The following ZNF750 variants were observed in gnomAD, a reference collection of about 807,000 sequenced individuals.
The protein encoded by ZNF750 is zinc finger protein 750.
A neutral mutation model predicts 31.6 loss-of-function variants in ZNF750; 10 were observed. The ratio of observed to expected loss-of-function variants is 0.32; its 90% CI spans 0.19 to 0.54. ZNF750 has a LOEUF of 0.54. Among genes scored for constraint, ZNF750 ranks in the 20% least tolerant of loss-of-function variants. The pLI is 0.95. For missense variants in ZNF750, 914 were observed against 934.9 expected (o/e 0.98, Z 0.29); for synonymous variants, 400 against 404.9 (o/e 0.99, Z 0.15).
intron 1 of ZNF750, chr17:82,839,018 C>A (rs1046408292): frequency 1.0e-6 from 1 of 969,890 alleles, no homozygotes; most frequent in African/African-American, 1.8e-5. Context: ...AGGAAAAAAA[C>A]CCTTTTGTAT....
rs781707574 is a variant in ZNF750 at position 82,835,797 on chromosome 17, TC to T, written c.-182-3162del. On this transcript the variant is annotated intron_variant, in intron 1 of 2. Transcript: ENST00000269394. The surrounding 1 kb of genome is among the most constrained non-coding windows in gnomAD (Gnocchi z 4.5). ...CTGCCTCTATTAACATACTTTAAGT[TC>T]TTTAAGACATTTATTTACTAAGAAG... is the stretch of plus-strand genomic sequence containing the variant. Among the ~76,000 whole-genome samples, 4 of 152,142 alleles carry T rather than the reference TC, an allele frequency of 2.6e-5. No homozygotes were observed. The highest frequency in any genetic ancestry group is 5.9e-5 in the Non-Finnish European group (4 of 68,008).
Position 82,833,675 on chromosome 17 carries a change from C to A in ZNF750, c.-182-1039G>T, listed in dbSNP as rs1456847844. On this transcript the variant is annotated intron_variant, in intron 1 of 2. Transcript: ENST00000269394. The surrounding 1 kb of genome is among the most constrained non-coding windows in gnomAD (Gnocchi z 4.7). Reference sequence around the variant, plus strand: ...AAATGGAAGAACCAAAGCTTTGCCACACTCCTGCCCGAGAGGAGACCAGAG... The same window carrying A: ...AAATGGAAGAACCAAAGCTTTGCCAAACTCCTGCCCGAGAGGAGACCAGAG... Among the ~76,000 whole-genome samples the A allele has an allele frequency of 3.9e-5, 6 of 152,204 alleles. No individual in the cohort carries two copies. Among genetic ancestry groups the A allele is most frequent in the African/African-American group, 1.2e-4 (5 of 41,446 alleles).
rs116972976 is a variant in ZNF750 at position 82,836,793 on chromosome 17, C to T, written c.-183+3134G>A. Among the ~76,000 whole-genome samples the T allele has an allele frequency of 4.0e-3, 603 of 152,158 alleles. 2 individuals are homozygous for T. The highest frequency in any genetic ancestry group is 5.8e-3 in the Non-Finnish European group (395 of 68,008). Reference sequence around the variant, plus strand: ...CAAAAGCTTTACAACAGGCAGGTTACGTGTAAGCTCTGCTGTTGCCCAAAA... The same window carrying T: ...CAAAAGCTTTACAACAGGCAGGTTATGTGTAAGCTCTGCTGTTGCCCAAAA... On this transcript the variant is annotated intron_variant, in intron 1 of 2. Coordinates refer to ENST00000269394, the MANE Select transcript of ZNF750 (RefSeq NM_024702.3).
intron 1 of ZNF750, among the ~76,000 whole-genome samples, chr17:82,838,428 T>A (rs1364473873): frequency 6.6e-6 from 1 of 152,232 alleles, no homozygotes; most frequent in Non-Finnish European, 1.5e-5. Flanking sequence ...ATGCTTGTCA[T>A]GCGTCCTAAC....
Position 82,830,662 on chromosome 17 carries a change from A to C in ZNF750, c.1652T>G (p.Leu551Arg). ...ASFSELQDLP[L>R]NLSVKDPCNT... ...ACAGGGGTCCTTCACCGAGAGATTG[A>C]GTGGAAGGTCCTGCAGCTCTGAGAA... Residue 551 changes from leucine to arginine, a missense_variant, in exon 3 of 3, where the codon CTC (leucine) becomes CGC (arginine). Leu to Arg is a moderately radical substitution (Grantham distance 102). Transcript: ENST00000269394. 1 of 1,613,724 alleles carries C rather than the reference A, an allele frequency of 6.2e-7. No homozygotes were observed. Among genetic ancestry groups the C allele is most frequent in the Non-Finnish European group, 8.5e-7 (1 of 1,179,958 alleles).
intron 1 of ZNF750, among the ~76,000 whole-genome samples, chr17:82,838,205 C>A (rs541656497): frequency 6.6e-6 from 1 of 152,276 alleles, no homozygotes; most frequent in Admixed American, 6.5e-5. Flanking sequence ...AATATACTGT[C>A]TTTCCAAAGG....
Position 82,839,961 on chromosome 17 carries a change from G to A in ZNF750, c.-217C>T, listed in dbSNP as rs2054324161. ...GCAGTGCTGGGATGTGGCCGGTCTT[G>A]GTGCCGGTGGCTGGCGGTGCTCAGG... On this transcript the variant is annotated 5_prime_UTR_variant, in exon 1 of 3. Transcript: ENST00000269394. 6.6e-6 allele frequency: 1 copy of A among 152,534 alleles called. No homozygotes were observed. The highest frequency in any genetic ancestry group is 1.5e-5 in the Non-Finnish European group (1 of 68,100). 9.4% of individuals were successfully genotyped at this position (152,534 alleles called of 1,614,324 possible). A position where few individuals can be genotyped will look rare whatever the true frequency, so the allele number is the denominator to read the frequency against.
chr17:82,829,948 C>T lies in ZNF750; in HGVS notation c.*194G>A. On this transcript the variant is annotated 3_prime_UTR_variant, in exon 3 of 3. Transcript: ENST00000269394. ...TTTTTACAACCAAAAGTAGAAGCAC[C>T]TTTTAATATTCATGCTTAATATTTA... 1.1e-6 allele frequency: 1 copy of T among 901,738 alleles called. No homozygotes were observed. Among genetic ancestry groups the T allele is most frequent in the Non-Finnish European group, 1.6e-6 (1 of 610,916 alleles). 55.9% of individuals were successfully genotyped at this position (901,738 alleles called of 1,614,324 possible).
At position 82,833,806 on chromosome 17, in the gene ZNF750, T is replaced by C. The variant is rs2053719541; in HGVS notation, c.-182-1170A>G. On this transcript the variant is annotated intron_variant, in intron 1 of 2. Transcript: ENST00000269394. This position sits in a 1 kb window ranked among gnomAD's most constrained non-coding sequence, Gnocchi z 4.7. Reference sequence around the variant, plus strand: ...CCTCTGGCCACACCCACTCAGGTCCTGGGACCCACCAGAGGCTGTGTGTGT... The same window carrying C: ...CCTCTGGCCACACCCACTCAGGTCCCGGGACCCACCAGAGGCTGTGTGTGT... Among the ~76,000 whole-genome samples the C allele has an allele frequency of 6.6e-6, 1 of 152,170 alleles. No homozygotes were observed. The highest frequency in any genetic ancestry group is 1.5e-5 in the Non-Finnish European group (1 of 68,036).
At position 82,833,966 on chromosome 17, in the gene ZNF750, CAG is replaced by C. The variant is rs1400912684; in HGVS notation, c.-182-1332_-182-1331del. ...AAAGGCTGTTTTTCTTTTTTTGAGA[CAG>C]AGTTTCTCCCTTGTTGCCCAGTCTG... On this transcript the variant is annotated intron_variant, in intron 1 of 2. Coordinates refer to ENST00000269394, the MANE Select transcript of ZNF750 (RefSeq NM_024702.3). The surrounding 1 kb of genome is among the most constrained non-coding windows in gnomAD (Gnocchi z 4.7). Among the ~76,000 whole-genome samples the C allele has an allele frequency of 4.6e-5, 7 of 150,928 alleles. No homozygotes were observed. Among genetic ancestry groups the C allele is most frequent in the African/African-American group, 1.5e-4 (6 of 41,140 alleles).
At chr17:82,834,084 A>C (rs2053753863) in intron 1 of ZNF750, among the ~76,000 whole-genome samples, 1 of 152,022 alleles carries the variant, frequency 6.6e-6, no homozygotes, top group African/African-American at 2.4e-5. Flanking sequence ...AGCTGGAATT[A>C]CAGGCGCCCA....
rs1450057063 is a variant in ZNF750, at chr17:82,831,508, G to A, written c.947C>T (p.Pro316Leu). The change falls in exon 2 of 3, where the codon CCG becomes CTG. Residue 316 changes from proline to leucine, a missense_variant. Transcript: ENST00000269394. The surrounding 1 kb of genome is among the most constrained non-coding windows in gnomAD (Gnocchi z 4.6). Reference protein sequence around the residue: ...RFFQQYPSNLPIPYGFYRPES... With the variant: ...RFFQQYPSNLLIPYGFYRPES... ...TGGCCTGTAAAATCCGTAAGGAATC[G>A]GCAGGTTAGAGGGATATTGCTGGAA... is the stretch of plus-strand genomic sequence containing the variant. 17 of 1,614,006 alleles carry A rather than the reference G, an allele frequency of 1.1e-5. No homozygotes were observed. The highest frequency in any genetic ancestry group is 1.4e-5 in the Non-Finnish European group (17 of 1,180,012).
Position 82,830,576 on chromosome 17 carries a change from C to A in ZNF750, c.1738G>T (p.Ala580Ser). ...GRPRAAEPAA[A>S]VPQKTGTEGS... ...TCTGTCCCAGTCTTCTGTGGAACAGCAGCAGCAGGTTCTGCAGCTCGTGGT... is the reference window on the plus strand; with the variant it reads ...TCTGTCCCAGTCTTCTGTGGAACAGAAGCAGCAGGTTCTGCAGCTCGTGGT... The change falls in exon 3 of 3, where the codon GCT (alanine) becomes TCT (serine). Residue 580 changes from alanine to serine, a missense_variant. By Grantham distance (99) the Ala-to-Ser change is moderately conservative. Coordinates refer to ENST00000269394, the MANE Select transcript of ZNF750 (RefSeq NM_024702.3). 6.2e-7 allele frequency: 1 copy of A among 1,614,084 alleles called. No homozygotes were observed.
chr17:82,838,791 T>G (rs1383381241), intron 1 of ZNF750: 2 of 985,320 alleles, frequency 2.0e-6, no homozygotes, highest in East Asian at 1.1e-4. Flanking sequence ...CCAGGGGCTC[T>G]TAACTCTAGT....
Position 82,830,050 on chromosome 17 carries a change from T to A in ZNF750, c.*92A>T. On this transcript the variant is annotated 3_prime_UTR_variant, in exon 3 of 3. Transcript: ENST00000269394. ...GAAGCAGCAGCTGCATTTGTAAAAA[T>A]GTGAAAGTGCCAGTTCAGAGGTGTT... The A allele has an allele frequency of 6.4e-7, 1 of 1,569,120 alleles. No individual in the cohort carries two copies. The highest frequency in any genetic ancestry group is 2.3e-5 in the East Asian group (1 of 44,112).
chr17:82,836,749 C>T (rs747366272), intron 1 of ZNF750, among the ~76,000 whole-genome samples: 32 of 151,960 alleles, frequency 2.1e-4, no homozygotes, highest in Non-Finnish European at 3.5e-4. Context: ...CCACAAAACC[C>T]GTGTTGGTTA....
intron 1 of ZNF750, chr17:82,839,029 C>A: frequency 2.1e-6 from 2 of 958,138 alleles, no homozygotes; most frequent in Non-Finnish European, 2.5e-6. Context: ...CCTTTTGTAT[C>A]TGTGTCTATA....
Position 82,832,998 on chromosome 17 carries a change from C to T in ZNF750, c.-182-362G>A, listed in dbSNP as rs1482671811. 6.6e-6 allele frequency among the ~76,000 whole-genome samples: 1 copy of T among 152,168 alleles called. No homozygotes were observed. Among genetic ancestry groups the T allele is most frequent in the Non-Finnish European group, 1.5e-5 (1 of 68,036 alleles). On this transcript the variant is annotated intron_variant, in intron 1 of 2. Coordinates refer to ENST00000269394, the MANE Select transcript of ZNF750 (RefSeq NM_024702.3). The surrounding 1 kb of genome is among the most constrained non-coding windows in gnomAD (Gnocchi z 4.9). ...TGGACCTTTCCTCGAAAGCGCCCTG[C>T]CGGGGGCTGAGGACACCGAGCCCCC...
At position 82,832,442 on chromosome 17, in the gene ZNF750, T is replaced by G. The variant is rs1201501406; in HGVS notation, c.13A>C (p.Lys5Gln). Residue 5 changes from lysine to glutamine, a missense_variant, in exon 2 of 3, where the codon AAA (lysine) becomes CAA (glutamine). Physicochemically the swap from Lys to Gln is moderately conservative, Grantham distance 53 (BLOSUM62 1). Coordinates refer to ENST00000269394, the MANE Select transcript of ZNF750 (RefSeq NM_024702.3). This position sits in a 1 kb window ranked among gnomAD's most constrained non-coding sequence, Gnocchi z 4.9. The stretch of plus-strand genomic sequence containing the variant: ...TGTGGCTTTTTTGGCTTCCGCTCTT[T>G]GAGGAGACTCATTTTCCTCCTTATG... MSLL[K>Q]ERKPKKPHYI... The G allele has an allele frequency of 6.2e-7, 1 of 1,611,662 alleles. No individual in the cohort carries two copies.
Sources: gnomAD v4.1 joint callset for allele counts (sites outside exome capture counted in the v4.1 genomes callset) on GRCh38, gnomAD v4.1.1 for gene constraint, Gnocchi (gnomAD v3.1) non-coding constraint, MANE v1.5 for transcripts, NCBI Gene and HGNC (gene_info 2026-07-23, HGNC 2026-07-21) for gene names.